The following TMEM232 variants were observed in gnomAD, a reference collection of about 807,000 sequenced individuals.
TMEM232 encodes the protein transmembrane protein 232.
In TMEM232, 80 loss-of-function variants were observed where a neutral mutation model predicts 78.8. That is an observed-to-expected ratio of 1.01 (90% CI 0.85 to 1.22). TMEM232 has a LOEUF of 1.22. Ranked by LOEUF, TMEM232 falls within the 50% of genes most tolerant of loss-of-function variation. The pLI is 0.00. For synonymous variants in TMEM232, 297 were observed against 254.3 expected, an observed-to-expected ratio of 1.17 and a Z score of -1.60; for missense variants, 881 against 742.2, an observed-to-expected ratio of 1.19 and a Z score of -2.17.
rs766397311 is a variant in TMEM232, at chr5:110,457,109, A to C, written c.1704-32193T>G. ...ACATACCACAGATAAGAATATTTACAAAACAAATCTCTGACAAAGGATTTA... is the reference window on the plus strand; with the variant it reads ...ACATACCACAGATAAGAATATTTACCAAACAAATCTCTGACAAAGGATTTA... On this transcript the variant is annotated intron_variant, in intron 12 of 13. Coordinates refer to ENST00000455884, the MANE Select transcript of TMEM232 (RefSeq NM_001039763.4). Among the ~76,000 whole-genome samples the C allele has an allele frequency of 4.2e-4, 64 of 152,250 alleles. 1 individual carries two copies. Among genetic ancestry groups the C allele is most frequent in the Non-Finnish European group, 2.1e-4 (14 of 67,950 alleles).
intron 11 of TMEM232, among the ~76,000 whole-genome samples, chr5:110,564,132 G>A (rs931188235): frequency 9.2e-5 from 14 of 151,980 alleles, no homozygotes; most frequent in African/African-American, 3.4e-4. Context: ...ACATTAATTT[G>A]TATCCATAAT....
intron 2 of TMEM232, 121 bp downstream of exon 2, chr5:110,667,107 A>G: frequency 1.3e-6 from 1 of 784,354 alleles, no homozygotes; most frequent in South Asian, 2.1e-5. Flanking sequence ...TTAAACAAAT[A>G]GTAAACTTTA....
chr5:110,599,798 A>G (rs766803087), intron 10 of TMEM232, among the ~76,000 whole-genome samples: 3 of 152,204 alleles, frequency 2.0e-5, no homozygotes, highest in Non-Finnish European at 4.4e-5. Context: ...AATTGAACTC[A>G]GCTCTGGACC....
At chr5:110,676,448 T>C (rs944066703) in intron 1 of TMEM232, among the ~76,000 whole-genome samples, 1 of 151,400 alleles carries the variant, frequency 6.6e-6, no homozygotes, top group Non-Finnish European at 1.5e-5. Flanking sequence ...CAGGCTGGAG[T>C]GCACTGGCCG....
At chr5:110,541,373 G>A (rs1018932065) in intron 11 of TMEM232, among the ~76,000 whole-genome samples, 2 of 152,192 alleles carry the variant, frequency 1.3e-5, no homozygotes, top group Non-Finnish European at 2.9e-5. Context: ...CAGAGGATAT[G>A]TTTTTGTTAG....
chr5:110,613,830 G>A (rs1352681366), intron 8 of TMEM232, among the ~76,000 whole-genome samples: 1 of 151,716 alleles, frequency 6.6e-6, no homozygotes, highest in Admixed American at 6.6e-5. Flanking sequence ...CTGGAGTTAT[G>A]GCCTCTTGAA....
chr5:110,436,360 C>G (rs1238350330), intron 12 of TMEM232, among the ~76,000 whole-genome samples: 1 of 151,796 alleles, frequency 6.6e-6, no homozygotes, highest in Non-Finnish European at 1.5e-5. Context: ...GTTATTAATG[C>G]CGTGCCACAT....
At position 110,606,157 on chromosome 5, in the gene TMEM232, A is replaced by T. The variant is rs1781516763; in HGVS notation, c.1026+7T>A. The stretch of plus-strand genomic sequence containing the variant: ...TTCTCTTTTCACATATAAATTAGCA[A>T]TGTTACCTGATTTTGAACAGACATA... On this transcript the variant is annotated splice_region_variant and intron_variant, in intron 9 of 13. Coordinates refer to ENST00000455884, the MANE Select transcript of TMEM232 (RefSeq NM_001039763.4). The T allele has an allele frequency of 6.5e-7, 1 of 1,533,590 alleles. No homozygotes were observed. The allele number at this position is 1,533,590 out of a possible 1,614,324, so 95.0% of individuals were successfully genotyped here.
chr5:110,477,468 C>T (rs1054625345), intron 12 of TMEM232, among the ~76,000 whole-genome samples: 2 of 151,728 alleles, frequency 1.3e-5, no homozygotes, highest in African/African-American at 2.4e-5. Flanking sequence ...GTTTTTTAGT[C>T]AAATAATTAT....
intron 12 of TMEM232, chr5:110,430,153 A>G (rs947024031): frequency 6.6e-6 from 1 of 151,722 alleles, no homozygotes; most frequent in East Asian, 1.9e-4. Context: ...AAATCATTCT[A>G]TAGCATAAGA....
At chr5:110,432,564 T>C (rs2112691274) in intron 12 of TMEM232, among the ~76,000 whole-genome samples, 1 of 151,674 alleles carries the variant, frequency 6.6e-6, no homozygotes, top group African/African-American at 2.4e-5. Flanking sequence ...ACAAAGCAAG[T>C]ACATAATCGA....
intron 2 of TMEM232, among the ~76,000 whole-genome samples, chr5:110,652,098 ACTG>A (rs1788394907): frequency 6.6e-6 from 1 of 152,194 alleles, no homozygotes; most frequent in Non-Finnish European, 1.5e-5. Flanking sequence ...TTGAAAGTAA[ACTG>A]AGCCAAATGT....
At chr5:110,432,546 C>T (rs553895061) in intron 12 of TMEM232, among the ~76,000 whole-genome samples, 5 of 151,704 alleles carry the variant, frequency 3.3e-5, no homozygotes, top group South Asian at 2.1e-4. Context: ...ACACAACCCA[C>T]GGTCCCTACA....
chr5:110,693,346 G>C (rs1794368433), intron 1 of TMEM232, among the ~76,000 whole-genome samples: 1 of 152,142 alleles, frequency 6.6e-6, no homozygotes, highest in South Asian at 2.1e-4. Context: ...AAACCACAAA[G>C]ATGGGGAAAA....
intron 1 of TMEM232, among the ~76,000 whole-genome samples, chr5:110,736,678 T>C (rs1055383291): frequency 7.9e-5 from 12 of 152,174 alleles, no homozygotes; most frequent in African/African-American, 2.6e-4. Context: ...CTTTAGTAGG[T>C]GGAAGCCTTT....
At chr5:110,415,921 A>G (rs1561464217), downstream of TMEM232, among the ~76,000 whole-genome samples, 1 of 152,140 alleles carries the variant, frequency 6.6e-6, no homozygotes, top group Non-Finnish European at 1.5e-5. Context: ...GGAAGGTTGG[A>G]TATCACAGGG....
chr5:110,488,015 C>G (rs566351740), intron 12 of TMEM232, among the ~76,000 whole-genome samples: 3 of 151,940 alleles, frequency 2.0e-5, no homozygotes, highest in Non-Finnish European at 2.9e-5. Flanking sequence ...TTTTTAATTA[C>G]CATTTCAGTC....
intron 12 of TMEM232, among the ~76,000 whole-genome samples, chr5:110,430,882 A>T (rs953523779): frequency 6.6e-6 from 1 of 151,782 alleles, no homozygotes; most frequent in Non-Finnish European, 1.5e-5. Flanking sequence ...ATTAAGCAAC[A>T]GGATTTGAAA....
At chr5:110,630,550 C>T (rs546928906) in intron 5 of TMEM232, among the ~76,000 whole-genome samples, 100 of 152,178 alleles carry the variant, frequency 6.6e-4, no homozygotes, top group African/African-American at 2.3e-3. Context: ...ATGTTGTGTG[C>T]GGCACTTCCC....
Sources: allele counts gnomAD v4.1 joint callset (sites outside exome capture counted in the v4.1 genomes callset), GRCh38; gene constraint gnomAD v4.1.1; transcripts MANE v1.5; gene names NCBI Gene and HGNC (gene_info 2026-07-23, HGNC 2026-07-21).